The following SCGB2B2 variants were observed in gnomAD, a reference collection of about 807,000 sequenced individuals.
The protein encoded by SCGB2B2 is secretoglobin family 2B member 2.
In SCGB2B2, 11 loss-of-function variants were observed where a neutral mutation model predicts 7.6. The observed-to-expected ratio is 1.45, with a 90% CI of 0.91 to 2.40. The LOEUF (loss-of-function observed/expected upper bound fraction) is 2.40, where lower values mean the gene tolerates loss of function less well. Among genes scored for constraint, SCGB2B2 ranks in the 30% most tolerant of loss-of-function variants. The pLI is 0.00. For missense variants in SCGB2B2, 104 were observed against 115.4 expected, an observed-to-expected ratio of 0.90 and a Z score of 0.45; for synonymous variants, 50 against 48.6, an observed-to-expected ratio of 1.03 and a Z score of -0.12.
chr19:34,644,322 C>T (rs2066926850), intron 1 of SCGB2B2, among the ~76,000 whole-genome samples: 1 of 151,482 alleles, frequency 6.6e-6, no homozygotes, highest in South Asian at 2.1e-4. Context: ...GTGAGTGCCA[C>T]CTTGCCCAGC....
intron 1 of SCGB2B2, among the ~76,000 whole-genome samples, chr19:34,656,339 C>T (rs2067282816): frequency 1.3e-5 from 2 of 151,516 alleles, no homozygotes; most frequent in Non-Finnish European, 2.9e-5. Flanking sequence ...TGCAGTGGCT[C>T]ATGCCTATAG....
Position 34,676,844 on chromosome 19 carries a change from T to C in SCGB2B2, c.-3246A>G, listed in dbSNP as rs1248933524. The stretch of plus-strand genomic sequence containing the variant: ...CAAATATACACAAACAGTAGACTGC[T>C]CTGGCTTGCATACAGAGAGGTCCAT... On this transcript the variant is annotated 5_prime_UTR_variant, in exon 1 of 4. Coordinates refer to ENST00000601241, the MANE Select transcript of SCGB2B2 (RefSeq NM_001025591.4). 1 of 152,208 alleles carries C rather than the reference T, an allele frequency of 6.6e-6. No individual in the cohort carries two copies. The highest frequency in any genetic ancestry group is 1.5e-5 in the Non-Finnish European group (1 of 68,038). The allele number at this position is 152,208 out of a possible 1,614,324, so 9.4% of individuals were successfully genotyped here.
chr19:34,603,456 T>C (rs1216308282), intron 1 of SCGB2B2, among the ~76,000 whole-genome samples: 1 of 152,164 alleles, frequency 6.6e-6, no homozygotes, highest in Non-Finnish European at 1.5e-5. Context: ...ATGTCTTCAT[T>C]CAATGTCCAT....
intron 1 of SCGB2B2, among the ~76,000 whole-genome samples, chr19:34,623,860 G>A (rs2066300577): frequency 6.6e-6 from 1 of 152,140 alleles, no homozygotes; most frequent in Non-Finnish European, 1.5e-5. Context: ...AAAATATAAG[G>A]ATTAAATGGC....
At chr19:34,633,008 A>C (rs2066578105) in intron 1 of SCGB2B2, 1 of 152,308 alleles carries the variant, frequency 6.6e-6, no homozygotes, top group African/African-American at 2.4e-5. Context: ...AAGCCTGCTG[A>C]AATTATGCAA....
chr19:34,623,923 C>A (rs551312725), intron 1 of SCGB2B2, among the ~76,000 whole-genome samples: 2 of 152,182 alleles, frequency 1.3e-5, no homozygotes, highest in East Asian at 1.9e-4. Flanking sequence ...CTCTCAAGGG[C>A]AGCTTCCTCC....
rs2065323753 is a variant in SCGB2B2 at position 34,592,528 on chromosome 19, T to C, written c.*1027A>G. Among the ~76,000 whole-genome samples the C allele has an allele frequency of 6.6e-6, 1 of 151,198 alleles. No homozygotes were observed. Among genetic ancestry groups the C allele is most frequent in the Non-Finnish European group, 1.5e-5 (1 of 67,760 alleles). On this transcript the variant is annotated 3_prime_UTR_variant, in exon 4 of 4. Coordinates refer to ENST00000601241, the MANE Select transcript of SCGB2B2 (RefSeq NM_001025591.4). ...AGGAGTCTAGGGCGGTGTGAGCTGA[T>C]AGGGGTAGGCGACCACCGCCTGGGA... is the stretch of plus-strand genomic sequence containing the variant.
Position 34,653,591 on chromosome 19 carries a change from T to C in SCGB2B2, c.-2032+22039A>G, listed in dbSNP as rs945381399. 5.3e-5 allele frequency among the ~76,000 whole-genome samples: 8 copies of C among 150,910 alleles called. 1 individual carries two copies. The highest frequency in any genetic ancestry group is 3.3e-4 in the Admixed American group (5 of 15,228). On this transcript the variant is annotated intron_variant, in intron 1 of 3. Coordinates refer to ENST00000601241, the MANE Select transcript of SCGB2B2 (RefSeq NM_001025591.4). The stretch of plus-strand genomic sequence containing the variant: ...TTCAATAACATAGTAGAAAACCAAG[T>C]TCAACACACATTAACAGAATTATAC...
downstream of SCGB2B2, among the ~76,000 whole-genome samples, chr19:34,589,001 G>A (rs1156966728): frequency 2.6e-5 from 4 of 152,146 alleles, no homozygotes; most frequent in East Asian, 7.7e-4. Context: ...CAGCAGGCTG[G>A]GTCCTGCCTA....
At chr19:34,671,700 G>T (rs1418310869) in intron 1 of SCGB2B2, among the ~76,000 whole-genome samples, 5 of 152,064 alleles carry the variant, frequency 3.3e-5, no homozygotes, top group Admixed American at 6.5e-5. Context: ...CACATCTTAT[G>T]TGTCTCAAGT....
At chr19:34,631,719 C>T (rs868807399) in intron 1 of SCGB2B2, among the ~76,000 whole-genome samples, 1 of 151,742 alleles carries the variant, frequency 6.6e-6, no homozygotes, top group Non-Finnish European at 1.5e-5. Flanking sequence ...CAATGCAATC[C>T]CAATCAAAAT....
chr19:34,674,275 GTCTTGTCTGAAAGGAAATTATATAA>G (rs1342656284), intron 1 of SCGB2B2, among the ~76,000 whole-genome samples: 1 of 152,162 alleles, frequency 6.6e-6, no homozygotes, highest in Non-Finnish European at 1.5e-5. Flanking sequence ...AGGGATCCTG[GTCTTGTCTGAAAGGAAATTATATAA>G]TCTCTAGAAG....
At chr19:34,662,498 T>C (rs921528029) in intron 1 of SCGB2B2, among the ~76,000 whole-genome samples, 2 of 124,070 alleles carry the variant, frequency 1.6e-5, no homozygotes, top group African/African-American at 3.4e-5. Flanking sequence ...AAAATGTTTT[T>C]TAAACAACAC....
At chr19:34,612,094 G>T (rs2065948994) in intron 1 of SCGB2B2, among the ~76,000 whole-genome samples, 1 of 117,746 alleles carries the variant, frequency 8.5e-6, no homozygotes, top group Non-Finnish European at 1.6e-5. Flanking sequence ...CTGGAGTGCA[G>T]TAGCATGATC....
downstream of SCGB2B2, among the ~76,000 whole-genome samples, chr19:34,587,918 A>G (rs1040354854): frequency 6.6e-6 from 1 of 152,048 alleles, no homozygotes; most frequent in Non-Finnish European, 1.5e-5. Context: ...GTGCTGCTTC[A>G]TTTGTTTGGC....
chr19:34,600,315 G>C (rs1465099598), intron 1 of SCGB2B2, among the ~76,000 whole-genome samples: 4 of 152,072 alleles, frequency 2.6e-5, no homozygotes, highest in African/African-American at 9.7e-5. Context: ...GTCTACCCTG[G>C]TACACTGATT....
At chr19:34,597,068 C>T (rs917088501) in intron 1 of SCGB2B2, among the ~76,000 whole-genome samples, 1 of 151,242 alleles carries the variant, frequency 6.6e-6, no homozygotes, top group African/African-American at 2.4e-5. Context: ...TCTGCATTGC[C>T]CTGGGAGGGA....
At chr19:34,660,157 G>A (rs2067411661) in intron 1 of SCGB2B2, among the ~76,000 whole-genome samples, 1 of 152,130 alleles carries the variant, frequency 6.6e-6, no homozygotes, top group Admixed American at 6.6e-5. Flanking sequence ...AGACTTAAAT[G>A]TAAGACCTAA....
chr19:34,600,914 G>T (rs2065604255), intron 1 of SCGB2B2, among the ~76,000 whole-genome samples: 1 of 83,302 alleles, frequency 1.2e-5, no homozygotes, highest in Admixed American at 9.3e-5. Flanking sequence ...TCTGCTCGGG[G>T]TGTGGTGTGT....
Sources: gnomAD v4.1 joint callset for allele counts (sites outside exome capture counted in the v4.1 genomes callset) on GRCh38, gnomAD v4.1.1 for gene constraint, MANE v1.5 for transcripts, NCBI Gene and HGNC (gene_info 2026-07-23, HGNC 2026-07-21) for gene names.